GRID2: variants seen among roughly 807,000 people sequenced by gnomAD.
GRID2 encodes glutamate ionotropic receptor delta type subunit 2.
Under a neutral mutation model 114.8 loss-of-function variants are expected in GRID2, and 33 were observed. The ratio of observed to expected loss-of-function variants is 0.29; its 90% CI spans 0.22 to 0.38. The LOEUF is 0.38. GRID2 is among the 10% of genes least tolerant of loss of function. The pLI is 1.00. For missense variants in GRID2, 1,184 were observed against 1,257.7 expected, an observed-to-expected ratio of 0.94 and a Z score of 0.89; for synonymous variants, 505 against 449.9, an observed-to-expected ratio of 1.12 and a Z score of -1.55.
intron 14 of GRID2, among the ~76,000 whole-genome samples, chr4:93,699,014 G>A (rs1340985767): frequency 1.3e-5 from 2 of 151,996 alleles, no homozygotes; most frequent in African/African-American, 4.8e-5. Flanking sequence ...TGAGAAAGTA[G>A]GTAAAGTGCT....
chr4:92,395,852 C>A (rs910454299), intron 1 of GRID2, among the ~76,000 whole-genome samples: 1 of 151,758 alleles, frequency 6.6e-6, no homozygotes, highest in Non-Finnish European at 1.5e-5. Context: ...TATTTTTGAG[C>A]TGATGTGCCC....
chr4:93,510,365 A>C (rs1396416477), intron 12 of GRID2, among the ~76,000 whole-genome samples: 2 of 152,166 alleles, frequency 1.3e-5, no homozygotes, highest in African/African-American at 4.8e-5. Context: ...AGAGTTATTT[A>C]AGTTTTATGT....
chr4:93,350,230 C>T (rs960461623), intron 8 of GRID2, among the ~76,000 whole-genome samples: 2 of 152,104 alleles, frequency 1.3e-5, no homozygotes, highest in Non-Finnish European at 1.5e-5. Context: ...AACTTCTTAG[C>T]GTTATCCATG....
At chr4:93,188,138 T>C (rs1470048770) in intron 4 of GRID2, among the ~76,000 whole-genome samples, 1 of 152,224 alleles carries the variant, frequency 6.6e-6, no homozygotes, top group Non-Finnish European at 1.5e-5. Context: ...CCCCCAGAGC[T>C]TCACCAGACA....
At chr4:93,724,815 T>A (rs1358742748) in intron 14 of GRID2, among the ~76,000 whole-genome samples, 4 of 152,114 alleles carry the variant, frequency 2.6e-5, no homozygotes, top group Non-Finnish European at 4.4e-5. Context: ...AGTCTCACTC[T>A]GTCGCCCAAG....
intron 1 of GRID2, among the ~76,000 whole-genome samples, chr4:92,482,298 G>C (rs2149105909): frequency 6.6e-6 from 1 of 151,658 alleles, no homozygotes; most frequent in Non-Finnish European, 1.5e-5. Flanking sequence ...GGGAACAATG[G>C]GAGCAATAGA....
chr4:92,479,217 G>C (rs1183180779), intron 1 of GRID2, among the ~76,000 whole-genome samples: 1 of 152,068 alleles, frequency 6.6e-6, no homozygotes, highest in Non-Finnish European at 1.5e-5. Flanking sequence ...TTCAAGTTTA[G>C]TTTGTGCACG....
At chr4:92,539,173 G>A (rs1167128984) in intron 1 of GRID2, among the ~76,000 whole-genome samples, 2 of 152,068 alleles carry the variant, frequency 1.3e-5, no homozygotes, top group Non-Finnish European at 2.9e-5. Context: ...GATGAGAATG[G>A]GCTTATTTCT....
intron 8 of GRID2, among the ~76,000 whole-genome samples, chr4:93,359,105 G>GATC (rs1204138382): frequency 2.0e-5 from 3 of 151,988 alleles, no homozygotes; most frequent in African/African-American, 7.2e-5. Context: ...TAAGATAGCT[G>GATC]ATCTGGGATA....
intron 2 of GRID2, among the ~76,000 whole-genome samples, chr4:93,016,933 ATTCTC>A (rs1169937717): frequency 3.3e-5 from 5 of 152,194 alleles, no homozygotes; most frequent in African/African-American, 4.8e-5. Context: ...GCTTAAAAAA[ATTCTC>A]TTCTATGATG....
intron 8 of GRID2, among the ~76,000 whole-genome samples, chr4:93,367,478 G>C (rs1280982321): frequency 6.6e-6 from 1 of 152,090 alleles, no homozygotes; most frequent in Non-Finnish European, 1.5e-5. Context: ...GTTTAAAAAT[G>C]AAACATTATT....
At chr4:92,786,117 C>T (rs186764574) in intron 2 of GRID2, among the ~76,000 whole-genome samples, 2 of 151,918 alleles carry the variant, frequency 1.3e-5, no homozygotes, top group Non-Finnish European at 2.9e-5. Context: ...AACTTTATTC[C>T]TGTGTCTTGA....
chr4:92,372,969 A>G (rs951198508), intron 1 of GRID2, among the ~76,000 whole-genome samples: 1 of 152,174 alleles, frequency 6.6e-6, no homozygotes, highest in African/African-American at 2.4e-5. Context: ...CCAGAAACTC[A>G]TCTTTATTCA....
intron 11 of GRID2, among the ~76,000 whole-genome samples, chr4:93,459,549 A>G (rs559480374): frequency 3.9e-5 from 6 of 152,332 alleles, no homozygotes; most frequent in African/African-American, 1.4e-4. Context: ...GTTGATAGAT[A>G]TGAGCATTGA....
intron 1 of GRID2, among the ~76,000 whole-genome samples, chr4:92,582,948 T>C (rs1196934701): frequency 2.0e-5 from 3 of 151,940 alleles, no homozygotes; most frequent in Admixed American, 2.0e-4. Context: ...GGCTGTATAA[T>C]TACACTCTAG....
intron 8 of GRID2, among the ~76,000 whole-genome samples, chr4:93,322,990 G>C (rs1357707962): frequency 2.6e-5 from 4 of 152,104 alleles, no homozygotes; most frequent in Admixed American, 2.0e-4. Context: ...CTCCTATTCT[G>C]TAGGTTGCCT....
At chr4:93,156,019 A>T (rs115353724) in intron 4 of GRID2, among the ~76,000 whole-genome samples, 2,144 of 151,862 alleles carry the variant, frequency 0.014, 39 homozygotes, top group Middle Eastern at 0.085. Context: ...GAGGTGATGG[A>T]TACCCAATTA....
At chr4:92,995,054 G>A (rs1056163615) in intron 2 of GRID2, among the ~76,000 whole-genome samples, 6 of 152,144 alleles carry the variant, frequency 3.9e-5, no homozygotes, top group African/African-American at 1.4e-4. Context: ...GGAATAAAAG[G>A]TTTGCCTTTG....
At chr4:93,698,495 T>G (rs1343011139) in intron 14 of GRID2, among the ~76,000 whole-genome samples, 1 of 151,988 alleles carries the variant, frequency 6.6e-6, no homozygotes, top group South Asian at 2.1e-4. Context: ...TTCGTGAGAG[T>G]AGAATGTACT....
Sources: gnomAD v4.1 joint callset for allele counts (sites outside exome capture counted in the v4.1 genomes callset) on GRCh38, gnomAD v4.1.1 for gene constraint, MANE v1.5 for transcripts, NCBI Gene and HGNC (gene_info 2026-07-23, HGNC 2026-07-21) for gene names.